The following CDK12 variants were observed in gnomAD, a reference collection of about 807,000 sequenced individuals.
CDK12 encodes the protein cyclin-dependent kinase 12.
A neutral mutation model predicts 133.8 loss-of-function variants in CDK12; 17 were observed. The observed-to-expected ratio is 0.13, with a 90% CI of 0.09 to 0.19. CDK12 has a LOEUF of 0.19. Among genes scored for constraint, CDK12 ranks in the 10% least tolerant of loss-of-function variants. The probability of loss-of-function intolerance (pLI) is 1.00; values close to 1 mark genes in which losing one functional copy is unlikely to be tolerated. For synonymous variants in CDK12, 694 were observed against 683.6 expected (o/e 1.02, Z -0.24); for missense variants, 1,508 against 1,818.7 (o/e 0.83, Z 3.11).
intron 2 of CDK12, among the ~76,000 whole-genome samples, chr17:39,480,457 G>GT (rs893211265): frequency 6.7e-5 from 10 of 150,128 alleles, no homozygotes; most frequent in South Asian, 4.2e-4. Flanking sequence ...GTTTTGTTTT[G>GT]TTTTTTTGAG....
At position 39,462,319 on chromosome 17, in the gene CDK12, T is replaced by G; in HGVS notation, c.248T>G (p.Phe83Cys). 6.2e-7 allele frequency: 1 copy of G among 1,614,160 alleles called. No individual in the cohort carries two copies. The highest frequency in any genetic ancestry group is 8.5e-7 in the Non-Finnish European group (1 of 1,180,038). The change falls in exon 1 of 14, where the codon TTC (phenylalanine) becomes TGC (cysteine). Residue 83 changes from phenylalanine to cysteine, a missense_variant. Physicochemically the swap from Phe to Cys is radical, Grantham distance 205. Transcript: ENST00000447079. ...YDDISSDSDTFSDDMAFKLDR... is the reference protein window; with the variant it reads ...YDDISSDSDTCSDDMAFKLDR... ...GATATCAGCTCTGATTCCGACACCTTCTCCGATGACATGGCCTTCAAACTA... is the reference window on the plus strand; with the variant it reads ...GATATCAGCTCTGATTCCGACACCTGCTCCGATGACATGGCCTTCAAACTA...
At chr17:39,495,050 CATGA>C (rs2051963752) in intron 5 of CDK12, among the ~76,000 whole-genome samples, 1 of 151,656 alleles carries the variant, frequency 6.6e-6, no homozygotes, top group African/African-American at 2.4e-5. Flanking sequence ...GGATTACAGG[CATGA>C]GCCACCGCGC....
chr17:39,533,797 GAAAA>G lies in CDK12; in HGVS notation c.*2487_*2490del, dbSNP rs983019285. ...TTTGACTATTTCTAAAAGCAGAGGA[GAAAA>G]AAAAACTTATTTAAATATCCTGGAA... On this transcript the variant is annotated 3_prime_UTR_variant, in exon 14 of 14. Coordinates refer to ENST00000447079, the MANE Select transcript of CDK12 (RefSeq NM_016507.4). 1 of 229,206 alleles carries G rather than the reference GAAAA, an allele frequency of 4.4e-6. No homozygotes were observed. Among genetic ancestry groups the G allele is most frequent in the Non-Finnish European group, 8.6e-6 (1 of 116,122 alleles). 14.2% of individuals were successfully genotyped at this position (229,206 alleles called of 1,614,324 possible). A position where few individuals can be genotyped will look rare whatever the true frequency, so the allele number is the denominator to read the frequency against.
intron 2 of CDK12, among the ~76,000 whole-genome samples, chr17:39,486,001 G>A (rs1014698134): frequency 1.3e-5 from 2 of 148,402 alleles, no homozygotes; most frequent in African/African-American, 5.0e-5. Flanking sequence ...CGCCCAGGCT[G>A]GAGTGCAGTG....
At position 39,501,254 on chromosome 17, in the gene CDK12, C is replaced by A; in HGVS notation, c.2424C>A (p.Ala808=). 2 of 1,536,558 alleles carry A rather than the reference C, an allele frequency of 1.3e-6. No homozygotes were observed. Among genetic ancestry groups the A allele is most frequent in the Non-Finnish European group, 1.7e-6 (2 of 1,147,578 alleles). ...TTTTTTTTCGTCTTTATGTAGGTGCCTTTTACCTTGTATTTGAGTATATGG... is the reference window on the plus strand; with the variant it reads ...TTTTTTTTCGTCTTTATGTAGGTGCATTTTACCTTGTATTTGAGTATATGG... ...DALDFKKDKG[A]FYLVFEYMDH... Residue 808 remains alanine, a synonymous_variant, in exon 6 of 14, where the codon GCC becomes GCA. Coordinates refer to ENST00000447079, the MANE Select transcript of CDK12 (RefSeq NM_016507.4).
Position 39,525,897 on chromosome 17 carries a change from G to A in CDK12, c.3341G>A (p.Ser1114Asn). The change falls in exon 13 of 14, where the codon AGT becomes AAT. Residue 1114 changes from serine to asparagine, a missense_variant. By Grantham distance (46) the Ser-to-Asn change is conservative (BLOSUM62 1). Coordinates refer to ENST00000447079, the MANE Select transcript of CDK12 (RefSeq NM_016507.4). Reference protein sequence around the residue: ...LADITQQLNQSELAVLLNLLQ... With the variant: ...LADITQQLNQNELAVLLNLLQ... The stretch of plus-strand genomic sequence containing the variant: ...GACATCACACAACAGCTGAATCAAA[G>A]TGAATTGGCAGTGTTATTAAACCTG... The A allele has an allele frequency of 6.2e-7, 1 of 1,614,170 alleles. No homozygotes were observed. The highest frequency in any genetic ancestry group is 8.5e-7 in the Non-Finnish European group (1 of 1,180,004).
At position 39,518,746 on chromosome 17, in the gene CDK12, A is replaced by G. The variant is rs1245882699; in HGVS notation, c.2963+1190A>G. Among the ~76,000 whole-genome samples, 5 of 152,056 alleles carry G rather than the reference A, an allele frequency of 3.3e-5. No individual in the cohort carries two copies. The East Asian group carries it at 7.8e-4, about 24-fold the overall frequency. On this transcript the variant is annotated intron_variant, in intron 10 of 13. Coordinates refer to ENST00000447079, the MANE Select transcript of CDK12 (RefSeq NM_016507.4). ...GTTAATTTTTGTATTTTTAGTAGAG[A>G]TGGCATTTCACCATGTTGGCCAGGC...
At chr17:39,561,607 G>A (rs950392264) in intron 3 of CDK12, among the ~76,000 whole-genome samples, 1 of 152,198 alleles carries the variant, frequency 6.6e-6, no homozygotes, top group Non-Finnish European at 1.5e-5. Context: ...ATGCAGAGAT[G>A]CCAATTTGTA....
chr17:39,463,205 C>T (rs1285618528), intron 1 of CDK12, 88 bp downstream of exon 1: 1 of 1,134,310 alleles, frequency 8.8e-7, no homozygotes, highest in East Asian at 2.4e-5. Context: ...TGGAAGCCCG[C>T]AGTGTTCATC....
chr17:39,547,129 ATTTTT>A (rs34569985), upstream of CDK12, among the ~76,000 whole-genome samples: 1 of 90,616 alleles, frequency 1.1e-5, no homozygotes, highest in Middle Eastern at 8.2e-3. Context: ...GAGTACTAGG[ATTTTT>A]TTTTTTTTTT....
At chr17:39,553,940 TA>T (rs11078914) in intron 2 of CDK12, among the ~76,000 whole-genome samples, 119,801 of 152,010 alleles carry the variant, frequency 0.79, 47,713 homozygotes, top group South Asian at 0.92. Flanking sequence ...GCCCCAACTA[TA>T]AAAAAAACAG....
chr17:39,472,207 C>T (rs929454203), intron 2 of CDK12, among the ~76,000 whole-genome samples: 1 of 152,134 alleles, frequency 6.6e-6, no homozygotes, highest in African/African-American at 2.4e-5. Context: ...TGGTCTGGAA[C>T]TCCTGACCTC....
intron 11 of CDK12, among the ~76,000 whole-genome samples, chr17:39,523,810 C>T (rs1039780133): frequency 1.3e-5 from 2 of 152,036 alleles, no homozygotes; most frequent in Non-Finnish European, 2.9e-5. Flanking sequence ...CACACCACCA[C>T]ACTTGGCTAA....
chr17:39,511,270 T>C (rs2053492440), intron 7 of CDK12, among the ~76,000 whole-genome samples: 1 of 149,672 alleles, frequency 6.7e-6, no homozygotes, highest in Non-Finnish European at 1.5e-5. Flanking sequence ...AGGCTGGTCT[T>C]GGACTGGCCT....
At chr17:39,520,583 G>T (rs1182078393) in intron 11 of CDK12, among the ~76,000 whole-genome samples, 1 of 152,000 alleles carries the variant, frequency 6.6e-6, no homozygotes, top group Non-Finnish European at 1.5e-5. Context: ...TAGAGACGGG[G>T]TTACACCTTG....
chr17:39,478,958 C>T (rs1404526165), intron 2 of CDK12, among the ~76,000 whole-genome samples: 1 of 151,996 alleles, frequency 6.6e-6, no homozygotes, highest in African/African-American at 2.4e-5. Context: ...TATCCATGTA[C>T]CAGCTGCTCC....
intron 2 of CDK12, among the ~76,000 whole-genome samples, chr17:39,472,801 C>G (rs993502962): frequency 6.7e-6 from 1 of 150,074 alleles, no homozygotes; most frequent in Non-Finnish European, 1.5e-5. Context: ...ATCGGCCAGG[C>G]GCGGTGGCTC....
At chr17:39,487,850 A>G (rs1239562437) in intron 2 of CDK12, among the ~76,000 whole-genome samples, 1 of 151,990 alleles carries the variant, frequency 6.6e-6, no homozygotes, top group African/African-American at 2.4e-5. Context: ...CCTGGGCTCA[A>G]CTGATCCGCC....
At chr17:39,484,353 T>C (rs546753436) in intron 2 of CDK12, among the ~76,000 whole-genome samples, 6 of 152,260 alleles carry the variant, frequency 3.9e-5, no homozygotes, top group Non-Finnish European at 7.3e-5. Flanking sequence ...AATACTGATA[T>C]AGTTAGGGTA....
Sources: allele counts gnomAD v4.1 joint callset (sites outside exome capture counted in the v4.1 genomes callset), GRCh38; gene constraint gnomAD v4.1.1; transcripts MANE v1.5; gene names NCBI Gene and HGNC (gene_info 2026-07-23, HGNC 2026-07-21).